SFXN1: variants seen among roughly 807,000 people sequenced by gnomAD.
The protein encoded by SFXN1 is sideroflexin 1, also known as sideroflexin-1.
In SFXN1, 32 loss-of-function variants were observed where a neutral mutation model predicts 39.5. The observed-to-expected ratio is 0.81, with a 90% CI of 0.61 to 1.09. The LOEUF (loss-of-function observed/expected upper bound fraction) is 1.09. SFXN1 is among the 50% of genes least tolerant of loss of function. The pLI is 0.00. For missense variants in SFXN1, 402 were observed against 407.1 expected (o/e 0.99, Z 0.11); for synonymous variants, 136 against 146.5 (o/e 0.93, Z 0.52).
chr5:175,508,503 G>A (rs1349700632), intron 2 of SFXN1, among the ~76,000 whole-genome samples: 1 of 152,066 alleles, frequency 6.6e-6, no homozygotes, highest in Non-Finnish European at 1.5e-5. Flanking sequence ...CCAAAGTGCT[G>A]AGATTACAGG....
chr5:175,505,709 A>G (rs1270144201), intron 2 of SFXN1, among the ~76,000 whole-genome samples: 1 of 152,166 alleles, frequency 6.6e-6, no homozygotes, highest in Non-Finnish European at 1.5e-5. Flanking sequence ...TGGCATCAGA[A>G]TATGTAGATA....
At chr5:175,513,368 A>G (rs1760596011) in intron 6 of SFXN1, 95 bp from the exon 7 acceptor site, 1 of 1,299,044 alleles carries the variant, frequency 7.7e-7, no homozygotes, top group African/African-American at 1.5e-5. Flanking sequence ...GGGTATTTGA[A>G]TTAAGTAGAG....
chr5:175,512,387 G>A (rs115818927), intron 6 of SFXN1, among the ~76,000 whole-genome samples, 191 bp downstream of exon 6: 3,815 of 152,258 alleles, frequency 0.025, 130 homozygotes, highest in African/African-American at 0.084. Flanking sequence ...CAAGCTTAGC[G>A]ATGAGTTACT....
At chr5:175,494,747 C>T (rs1440341033) in intron 2 of SFXN1, among the ~76,000 whole-genome samples, 1 of 148,812 alleles carries the variant, frequency 6.7e-6, no homozygotes, top group African/African-American at 2.5e-5. Context: ...CACGAAACTC[C>T]ACCTAAAAAA....
At chr5:175,506,421 TAGAAGAC>T (rs779636747) in intron 2 of SFXN1, among the ~76,000 whole-genome samples, 1 of 152,224 alleles carries the variant, frequency 6.6e-6, no homozygotes, top group Non-Finnish European at 1.5e-5. Flanking sequence ...AGAAAAAAGA[TAGAAGAC>T]ATAGCCAAAG....
chr5:175,509,839 A>G (rs1051320803), intron 3 of SFXN1, among the ~76,000 whole-genome samples: 1 of 152,158 alleles, frequency 6.6e-6, no homozygotes, highest in East Asian at 1.9e-4. Flanking sequence ...TTGAATGTCT[A>G]TTCTGTACCA....
chr5:175,520,787 G>A (rs1760856680), intron 8 of SFXN1, among the ~76,000 whole-genome samples: 1 of 152,154 alleles, frequency 6.6e-6, no homozygotes, highest in Non-Finnish European at 1.5e-5. Context: ...AAGCGCTGGG[G>A]AGTATTTAGC....
intron 2 of SFXN1, among the ~76,000 whole-genome samples, chr5:175,498,001 A>T (rs1759925692): frequency 6.6e-6 from 1 of 151,736 alleles, no homozygotes; most frequent in African/African-American, 2.4e-5. Context: ...ATCATCTTTG[A>T]TAGATCATCT....
chr5:175,508,660 A>G (rs1760400057), intron 2 of SFXN1, among the ~76,000 whole-genome samples: 1 of 150,956 alleles, frequency 6.6e-6, no homozygotes, highest in African/African-American at 2.4e-5. Context: ...TTTTTTTGAG[A>G]CAGAGTCTCG....
intron 3 of SFXN1, 23 bp downstream of exon 3, chr5:175,509,225 C>T: frequency 1.9e-6 from 3 of 1,587,222 alleles, no homozygotes; most frequent in Non-Finnish European, 2.6e-6. Flanking sequence ...TATGTAGCAA[C>T]AGTGTGTTTA....
chr5:175,489,557 A>T (rs973259272), intron 1 of SFXN1, among the ~76,000 whole-genome samples: 1 of 152,184 alleles, frequency 6.6e-6, no homozygotes, highest in African/African-American at 2.4e-5. Flanking sequence ...GCATACAATG[A>T]CATACATTTC....
At chr5:175,524,460 C>A (rs1760997717) in intron 10 of SFXN1, among the ~76,000 whole-genome samples, 1 of 151,322 alleles carries the variant, frequency 6.6e-6, no homozygotes, top group South Asian at 2.1e-4. Flanking sequence ...ATGAATGCAC[C>A]ACAGTTTCCC....
At chr5:175,492,400 A>C (rs1759693173) in intron 2 of SFXN1, 133 bp downstream of exon 2, 5 of 764,050 alleles carry the variant, frequency 6.5e-6, no homozygotes, top group Non-Finnish European at 9.9e-6. Context: ...AAAAAAAAAA[A>C]AGGAAGAAAA....
chr5:175,503,622 A>G (rs958299365), intron 2 of SFXN1, among the ~76,000 whole-genome samples: 2 of 152,244 alleles, frequency 1.3e-5, no homozygotes, highest in Non-Finnish European at 2.9e-5. Context: ...TTCTTTAATT[A>G]TGAAGAATGC....
rs1450911769 is a variant in SFXN1, at chr5:175,513,591, G to A, written c.724+1G>A. ...ATTCTCATGGCAGCCCCTGGCATGG[G>A]TTAGCAGGACTTTGTCATTTATTCC... On this transcript the variant is annotated splice_donor_variant, in intron 7 of 10. Transcript: ENST00000321442. LOFTEE classifies it high-confidence loss of function. The A allele has an allele frequency of 1.2e-6, 2 of 1,613,502 alleles. No homozygotes were observed. The highest frequency in any genetic ancestry group is 8.5e-7 in the Non-Finnish European group (1 of 1,179,704).
In SFXN1 at chr5:175,529,627, T is replaced by C. The variant is rs899536890; in HGVS notation, c.*2893T>C. ...TACAAAGGATGATGATTGTAAGTGT[T>C]TACTGACTGGCAGCTTTTATTTCAG... On this transcript the variant is annotated 3_prime_UTR_variant, in exon 11 of 11. Coordinates refer to ENST00000321442, the MANE Select transcript of SFXN1 (RefSeq NM_022754.7). The C allele has an allele frequency of 1.3e-5, 2 of 152,220 alleles. No individual in the cohort carries two copies. The highest frequency in any genetic ancestry group is 2.9e-5 in the Non-Finnish European group (2 of 68,038). The allele number at this position is 152,220 out of a possible 1,614,324, so 9.4% of individuals were successfully genotyped here. A position where few individuals can be genotyped will look rare whatever the true frequency, so the allele number is the denominator to read the frequency against.
intron 2 of SFXN1, among the ~76,000 whole-genome samples, chr5:175,505,481 G>A (rs1405418950): frequency 6.6e-6 from 1 of 150,988 alleles, no homozygotes; most frequent in East Asian, 1.9e-4. Context: ...AGGTTGCAGT[G>A]AGCCAAGATC....
intron 2 of SFXN1, among the ~76,000 whole-genome samples, chr5:175,501,714 A>G (rs570659733): frequency 2.0e-5 from 3 of 152,224 alleles, no homozygotes. Flanking sequence ...AGGAATAGCA[A>G]GTAAGCATAT....
At chr5:175,486,179 GA>G (rs563816382) in intron 1 of SFXN1, among the ~76,000 whole-genome samples, 1 of 149,386 alleles carries the variant, frequency 6.7e-6, no homozygotes, top group Non-Finnish European at 1.5e-5. Context: ...TTATTTAAAG[GA>G]AAAAAGTGGG....
Sources: gnomAD v4.1 joint callset for allele counts (sites outside exome capture counted in the v4.1 genomes callset) on GRCh38, gnomAD v4.1.1 for gene constraint, MANE v1.5 for transcripts, NCBI Gene and HGNC (gene_info 2026-07-23, HGNC 2026-07-21) for gene names.